Variants in KCNT2 observed in about 807,000 individuals in gnomAD.
KCNT2 encodes the protein potassium sodium-activated channel subfamily T member 2.
Under a neutral mutation model 153.8 loss-of-function variants are expected in KCNT2, and 67 were observed. The ratio of observed to expected loss-of-function variants is 0.44; its 90% confidence interval spans 0.36 to 0.53. KCNT2 has a LOEUF of 0.53. KCNT2 is among the 20% of genes least tolerant of loss of function. The pLI is 0.00. For synonymous variants in KCNT2, 500 were observed against 458.8 expected (o/e 1.09, Z -1.15); for missense variants, 975 against 1,354.8 (o/e 0.72, Z 4.40).
chr1:196,295,506 A>G (rs537920599), intron 22 of KCNT2, among the ~76,000 whole-genome samples: 28 of 151,838 alleles, frequency 1.8e-4, no homozygotes, highest in Non-Finnish European at 3.4e-4. Context: ...AAATGCAAGG[A>G]AAGAGATGGA....
chr1:196,356,943 C>T (rs1186526698), intron 14 of KCNT2, among the ~76,000 whole-genome samples: 1 of 151,786 alleles, frequency 6.6e-6, no homozygotes, highest in Admixed American at 6.6e-5. Context: ...GAATTTGTTT[C>T]ATATGCAATC....
chr1:196,286,232 A>G (rs1172572368), intron 22 of KCNT2, among the ~76,000 whole-genome samples: 3 of 152,050 alleles, frequency 2.0e-5, no homozygotes, highest in Non-Finnish European at 4.4e-5. Context: ...CTAATCCCCA[A>G]GGTAATAGTA....
intron 3 of KCNT2, among the ~76,000 whole-genome samples, chr1:196,487,156 C>A (rs1679488805): frequency 6.6e-6 from 1 of 151,914 alleles, no homozygotes; most frequent in Admixed American, 6.6e-5. Flanking sequence ...AAAAGTCACT[C>A]TTCAGTCAAC....
intron 25 of KCNT2, 129 bp from the exon 26 acceptor site, chr1:196,258,623 A>G: frequency 1.3e-6 from 1 of 765,690 alleles, no homozygotes; most frequent in South Asian, 1.6e-5. Flanking sequence ...AAAGAGCAAA[A>G]TCAGTCTTTG....
chr1:196,351,110 TGTC>T (rs1295396319), intron 14 of KCNT2, among the ~76,000 whole-genome samples: 4 of 152,188 alleles, frequency 2.6e-5, no homozygotes, highest in African/African-American at 9.6e-5. Flanking sequence ...ACTGTAGCCT[TGTC>T]GTATAGTTTG....
intron 8 of KCNT2, among the ~76,000 whole-genome samples, chr1:196,448,682 T>G (rs1202619503): frequency 6.6e-6 from 1 of 151,748 alleles, no homozygotes; most frequent in Non-Finnish European, 1.5e-5. Flanking sequence ...TTGTTGAAGT[T>G]TATATAATAT....
intron 13 of KCNT2, among the ~76,000 whole-genome samples, chr1:196,383,511 T>C (rs149470950): frequency 1.3e-4 from 20 of 152,106 alleles, no homozygotes; most frequent in African/African-American, 4.3e-4. Flanking sequence ...ATTAGATGAG[T>C]TGATGAGGTG....
At chr1:196,335,069 CTATT>C (rs1465487402) in intron 16 of KCNT2, among the ~76,000 whole-genome samples, 1 of 152,084 alleles carries the variant, frequency 6.6e-6, no homozygotes. Context: ...ATTTTAATAT[CTATT>C]TATGAAAAAT....
intron 26 of KCNT2, among the ~76,000 whole-genome samples, chr1:196,243,804 T>C (rs1322446389): frequency 6.6e-6 from 1 of 152,088 alleles, no homozygotes; most frequent in Admixed American, 6.6e-5. Context: ...CCTGGAGCTG[T>C]GTTGGAATCA....
At chr1:196,604,161 C>T (rs1466652577) in intron 1 of KCNT2, among the ~76,000 whole-genome samples, 1 of 152,200 alleles carries the variant, frequency 6.6e-6, no homozygotes, top group Admixed American at 6.5e-5. Flanking sequence ...GCTGAATATC[C>T]TTTCTACAAA....
chr1:196,533,602 T>G (rs1279815411), intron 1 of KCNT2, among the ~76,000 whole-genome samples: 1 of 152,114 alleles, frequency 6.6e-6, no homozygotes, highest in Non-Finnish European at 1.5e-5. Flanking sequence ...TTTGACTAGC[T>G]TTCTCCTAGG....
intron 14 of KCNT2, among the ~76,000 whole-genome samples, chr1:196,352,671 A>C (rs191521382): frequency 6.6e-6 from 1 of 151,856 alleles, no homozygotes; most frequent in African/African-American, 2.4e-5. Flanking sequence ...TGGATTCATT[A>C]ATTTTTTGAA....
chr1:196,314,417 T>C (rs1163041897), intron 21 of KCNT2, among the ~76,000 whole-genome samples: 1 of 151,676 alleles, frequency 6.6e-6, no homozygotes, highest in Admixed American at 6.6e-5. Flanking sequence ...ATATCTGTAA[T>C]ATTTTAAACA....
intron 21 of KCNT2, among the ~76,000 whole-genome samples, chr1:196,307,821 G>GA (rs1372515122): frequency 2.0e-5 from 3 of 151,704 alleles, no homozygotes; most frequent in East Asian, 1.9e-4. Flanking sequence ...TGGCCTGATG[G>GA]AAAAAAAATG....
chr1:196,318,066 T>C (rs1430502196), intron 20 of KCNT2, among the ~76,000 whole-genome samples: 1 of 151,592 alleles, frequency 6.6e-6, no homozygotes, highest in Non-Finnish European at 1.5e-5. Context: ...TGCAAGGCCA[T>C]TGCCTTATTT....
At chr1:196,479,141 G>A (rs371394549) in intron 5 of KCNT2, 38 bp downstream of exon 5, 60 of 1,251,814 alleles carry the variant, frequency 4.8e-5, no homozygotes, top group Non-Finnish European at 6.4e-5. Context: ...CTACAGATGT[G>A]TTCTATCAGC....
At chr1:196,258,960 A>G (rs1304443626) in intron 25 of KCNT2, among the ~76,000 whole-genome samples, 1 of 152,088 alleles carries the variant, frequency 6.6e-6, no homozygotes, top group Non-Finnish European at 1.5e-5. Flanking sequence ...TTTTTAAATT[A>G]TTGCTTTTTC....
At chr1:196,466,522 C>T (rs1315414936) in intron 7 of KCNT2, among the ~76,000 whole-genome samples, 4 of 151,968 alleles carry the variant, frequency 2.6e-5, no homozygotes, top group Non-Finnish European at 5.9e-5. Context: ...TGGAAAATAA[C>T]TTTGCCTCCA....
intron 18 of KCNT2, among the ~76,000 whole-genome samples, chr1:196,327,902 G>A (rs989541434): frequency 6.6e-6 from 1 of 151,956 alleles, no homozygotes; most frequent in Non-Finnish European, 1.5e-5. Flanking sequence ...CTCCCCAAAT[G>A]CTGGGATTAC....
Sources: gnomAD v4.1 joint callset for allele counts (sites outside exome capture counted in the v4.1 genomes callset) on GRCh38, gnomAD v4.1.1 for gene constraint, MANE v1.5 for transcripts, NCBI Gene and HGNC (gene_info 2026-07-23, HGNC 2026-07-21) for gene names.